The following ZNRF3 variants were observed in gnomAD, a reference collection of about 807,000 sequenced individuals.
ZNRF3 encodes the protein E3 ubiquitin-protein ligase ZNRF3.
ZNRF3 carries 23 observed loss-of-function variants against 72.5 expected under a neutral mutation model. The ratio of observed to expected loss-of-function variants is 0.32; its 90% confidence interval spans 0.23 to 0.45. ZNRF3 has a LOEUF of 0.45. ZNRF3 is among the 20% of genes least tolerant of loss of function. The pLI, the probability that ZNRF3 is intolerant of heterozygous loss-of-function variation, is 1.00. For missense variants in ZNRF3, 1,169 were observed against 1,272.1 expected, an observed-to-expected ratio of 0.92 and a Z score of 1.23; for synonymous variants, 610 against 545.3, an observed-to-expected ratio of 1.12 and a Z score of -1.65.
intron 1 of ZNRF3, among the ~76,000 whole-genome samples, chr22:28,928,953 A>C (rs150758875): frequency 6.6e-6 from 1 of 152,246 alleles, no homozygotes. Context: ...TCACAATTCT[A>C]CTACCACAGT....
chr22:28,993,820 C>T (rs1254802910), intron 2 of ZNRF3, among the ~76,000 whole-genome samples: 4 of 152,172 alleles, frequency 2.6e-5, no homozygotes, highest in African/African-American at 9.6e-5. Flanking sequence ...GTAGCTGGGA[C>T]TACAGGTGTG....
intron 2 of ZNRF3, among the ~76,000 whole-genome samples, chr22:29,023,094 T>C (rs1478960927): frequency 2.6e-5 from 4 of 152,248 alleles, no homozygotes; most frequent in Non-Finnish European, 5.9e-5. Context: ...AGGAATTCTG[T>C]AATTCTGATA....
chr22:29,009,856 C>G (rs1031021794), intron 2 of ZNRF3, among the ~76,000 whole-genome samples: 1 of 151,726 alleles, frequency 6.6e-6, no homozygotes, highest in Admixed American at 6.6e-5. Flanking sequence ...TAAGCACATT[C>G]ACTCTGCTGT....
rs146135625 is a variant in ZNRF3 at position 28,903,033 on chromosome 22, C to T, written c.300+18967C>T. Among the ~76,000 whole-genome samples, 430 of 152,280 alleles carry T rather than the reference C, an allele frequency of 2.8e-3. 5 individuals are homozygous for T. The highest frequency in any genetic ancestry group is 9.6e-3 in the African/African-American group (398 of 41,554). On this transcript the variant is annotated intron_variant, in intron 1 of 8. Transcript: ENST00000544604. ...CTTTCTACTTGCACCTATGTCCCTTCTCCCCTAGTGTGGGGGTCTGTGGGC... is the reference window on the plus strand; with the variant it reads ...CTTTCTACTTGCACCTATGTCCCTTTTCCCCTAGTGTGGGGGTCTGTGGGC...
At chr22:28,950,372 G>A (rs901346146) in intron 1 of ZNRF3, among the ~76,000 whole-genome samples, 2 of 152,156 alleles carry the variant, frequency 1.3e-5, no homozygotes, top group African/African-American at 4.8e-5. Flanking sequence ...CTGCTCTGTT[G>A]TCTGAGACTG....
rs543718810 is a variant in ZNRF3, at chr22:29,051,836, C to T, written c.2767+888C>T. Among the ~76,000 whole-genome samples the T allele has an allele frequency of 5.8e-5, 8 of 138,976 alleles. No individual in the cohort carries two copies. In the East Asian group the frequency reaches 7.1e-4, roughly 12 times the overall value. The allele number at this position is 138,976 out of a possible 152,430, so 91.2% of individuals were successfully genotyped here. ...AGGAGAATCGCCTGAACCTGGGAGGCGGAGGTTGCAGTGAGCCGCGCTCCA... is the reference window on the plus strand; with the variant it reads ...AGGAGAATCGCCTGAACCTGGGAGGTGGAGGTTGCAGTGAGCCGCGCTCCA... On this transcript the variant is annotated intron_variant, in intron 8 of 8. Coordinates refer to ENST00000544604, the MANE Select transcript of ZNRF3 (RefSeq NM_001206998.2).
chr22:28,937,855 G>A (rs2034869789), intron 1 of ZNRF3, among the ~76,000 whole-genome samples: 1 of 152,066 alleles, frequency 6.6e-6, no homozygotes, highest in Non-Finnish European at 1.5e-5. Flanking sequence ...ACATAGCGTT[G>A]CTTTTTAAAA....
At chr22:28,953,466 T>G (rs1167055349) in intron 1 of ZNRF3, among the ~76,000 whole-genome samples, 2 of 152,212 alleles carry the variant, frequency 1.3e-5, no homozygotes, top group Non-Finnish European at 2.9e-5. Flanking sequence ...CCCTGAAGTT[T>G]AGGAAAAGAG....
At chr22:29,040,493 CTTTTT>C (rs563459735) in intron 2 of ZNRF3, among the ~76,000 whole-genome samples, 4 of 146,018 alleles carry the variant, frequency 2.7e-5, no homozygotes, top group Non-Finnish European at 4.5e-5. Context: ...CCCCCACCGC[CTTTTT>C]TTTTTTTAAC....
chr22:29,019,227 G>A (rs2036487936), intron 2 of ZNRF3, among the ~76,000 whole-genome samples: 2 of 151,962 alleles, frequency 1.3e-5, no homozygotes, highest in African/African-American at 4.8e-5. Flanking sequence ...CAACTCATGT[G>A]GCCAAGCCCA....
intron 1 of ZNRF3, among the ~76,000 whole-genome samples, chr22:28,909,647 C>T: frequency 6.6e-6 from 1 of 151,980 alleles, no homozygotes. Context: ...GGGGCGTGAT[C>T]TCAGCTCACT....
At chr22:29,001,108 G>A (rs2036136215) in intron 2 of ZNRF3, among the ~76,000 whole-genome samples, 1 of 102,500 alleles carries the variant, frequency 9.8e-6, no homozygotes, top group Non-Finnish European at 1.7e-5. Context: ...TCAGTCTGTT[G>A]CCCAGGCTGG....
In ZNRF3 at chr22:29,049,791, C is replaced by T. The variant is rs770531284; in HGVS notation, c.1610C>T (p.Ser537Leu). 2 of 1,605,570 alleles carry T rather than the reference C, an allele frequency of 1.2e-6. No homozygotes were observed. Among genetic ancestry groups the T allele is most frequent in the Non-Finnish European group, 1.7e-6 (2 of 1,175,470 alleles). Residue 537 changes from serine (S) to leucine (L), a missense_variant, in exon 8 of 9, where the codon TCG becomes TTG. By Grantham distance (145) the Ser-to-Leu change is moderately radical. Around this residue, in one of 2 missense-constraint regions of ZNRF3, gnomAD observed 783 missense variants for 731.4 expected, o/e 1.07. Transcript: ENST00000544604. The surrounding 1 kb of genome is among the most constrained non-coding windows in gnomAD (Gnocchi z 5.2). ...SSFSCYHGHR[S>L]VCSGYLADCP... ...TTCAGCTGCTATCACGGCCACCGCT[C>T]GGTGTGCAGTGGCTACCTGGCCGAC...
At chr22:28,965,169 C>T (rs1047440158) in intron 1 of ZNRF3, among the ~76,000 whole-genome samples, 7 of 152,172 alleles carry the variant, frequency 4.6e-5, no homozygotes, top group Non-Finnish European at 1.0e-4. Flanking sequence ...GGAATTCTTT[C>T]CATCTTTGTT....
chr22:28,990,908 C>T (rs911366671), intron 2 of ZNRF3, among the ~76,000 whole-genome samples: 1 of 151,946 alleles, frequency 6.6e-6, no homozygotes, highest in South Asian at 2.1e-4. Flanking sequence ...CCTGGTTGGC[C>T]CTGATTCTGT....
chr22:29,042,665 A>C, intron 3 of ZNRF3, 96 bp downstream of exon 3: 12 of 1,086,488 alleles, frequency 1.1e-5, no homozygotes, highest in African/African-American at 1.5e-5. Flanking sequence ...CCCTCATCTC[A>C]GAGCATTTGC....
At chr22:28,966,326 G>A (rs934594974) in intron 1 of ZNRF3, among the ~76,000 whole-genome samples, 2 of 152,298 alleles carry the variant, frequency 1.3e-5, no homozygotes, top group African/African-American at 2.4e-5. Flanking sequence ...CAGTGGTTCC[G>A]TAAAGATTAT....
chr22:28,902,831 A>G (rs1182347439), intron 1 of ZNRF3, among the ~76,000 whole-genome samples: 1 of 152,234 alleles, frequency 6.6e-6, no homozygotes, highest in African/African-American at 2.4e-5. Context: ...TGAAGAAAAT[A>G]CATAATTTCA....
chr22:29,051,017 G>C (rs1012776609), intron 8 of ZNRF3, 69 bp downstream of exon 8: 63 of 1,468,880 alleles, frequency 4.3e-5, no homozygotes, highest in Non-Finnish European at 5.3e-5. Context: ...TTCTGTCTTA[G>C]GCATTTTCTG....
Sources: allele counts gnomAD v4.1 joint callset (sites outside exome capture counted in the v4.1 genomes callset), GRCh38; gene constraint gnomAD v4.1.1; regional missense constraint gnomAD v4.1.1; non-coding constraint Gnocchi (gnomAD v3.1); transcripts MANE v1.5; gene names NCBI Gene and HGNC (gene_info 2026-07-23, HGNC 2026-07-21).